PRKCD: variants seen among roughly 807,000 people sequenced by gnomAD.
The protein encoded by PRKCD is protein kinase C delta type.
Under a neutral mutation model 82.2 loss-of-function variants are expected in PRKCD, and 20 were observed. The observed-to-expected ratio is 0.24, with a 90% CI of 0.17 to 0.35. The LOEUF (loss-of-function observed/expected upper bound fraction) is 0.35, where lower values mean the gene tolerates loss of function less well. Ranked by LOEUF, PRKCD falls within the 10% of genes least tolerant of loss-of-function variation. PRKCD has a pLI of 1.00. For missense variants in PRKCD, 607 were observed against 899.0 expected (o/e 0.68, Z 4.15); for synonymous variants, 317 against 337.0 (o/e 0.94, Z 0.65).
At chr3:53,187,538 C>T (rs1703754284) in intron 15 of PRKCD, 136 bp downstream of exon 15, 6 of 983,032 alleles carry the variant, frequency 6.1e-6, no homozygotes, top group Middle Eastern at 3.2e-4. Flanking sequence ...TGGGTATTTG[C>T]CTATGCCTCC....
At chr3:53,168,826 G>A (rs1575524914) in intron 2 of PRKCD, among the ~76,000 whole-genome samples, 1 of 150,224 alleles carries the variant, frequency 6.7e-6, no homozygotes, top group Non-Finnish European at 1.5e-5. Context: ...GGGAGGTAAC[G>A]GTGATGGGGA....
rs41315886 is a variant in PRKCD, at chr3:53,187,494, C to T, written c.1415+92C>T. The T allele has an allele frequency of 0.058, 80,226 of 1,383,926 alleles. 2,977 individuals carry two copies. Among genetic ancestry groups the T allele is most frequent in the African/African-American group, 0.15 (10,476 of 70,018 alleles). 85.7% of individuals were successfully genotyped at this position (1,383,926 alleles called of 1,614,324 possible). A position where few individuals can be genotyped will look rare whatever the true frequency, so the allele number is the denominator to read the frequency against. On this transcript the variant is annotated intron_variant, in intron 15 of 18. Transcript: ENST00000330452. ...TGCTCCAAGCAGGATCCCCCCAACT[C>T]CAGTTCCTTCTCTGCTGGAAATCAA...
chr3:53,188,642 G>A (rs1247886113), intron 15 of PRKCD, 78 bp from the exon 16 acceptor site: 10 of 1,579,252 alleles, frequency 6.3e-6, no homozygotes, highest in Non-Finnish European at 8.7e-6. Context: ...TAATACGGCT[G>A]AAAATTAGGA....
rs200237200 is a variant in PRKCD at position 53,188,884 on chromosome 3, C to A, written c.1554+26C>A. On this transcript the variant is annotated intron_variant, in intron 16 of 18. Transcript: ENST00000330452. ...GTGAGCCGATACCCTTCCAGCCCCC[C>A]GCTCAGTCAGGCACCTTGCCTCCCC... 7.5e-4 allele frequency: 1,203 copies of A among 1,612,654 alleles called. 3 individuals carry two copies. Among genetic ancestry groups the A allele is most frequent in the African/African-American group, 5.2e-3 (391 of 75,044 alleles).
chr3:53,191,383 G>A (rs1187975059), intron 18 of PRKCD, among the ~76,000 whole-genome samples: 2 of 152,174 alleles, frequency 1.3e-5, no homozygotes, highest in East Asian at 3.8e-4. Context: ...ACTCCAGCCT[G>A]GGCAAGAGAG....
In PRKCD at chr3:53,192,379, A is replaced by G; in HGVS notation, c.*113A>G. ...TGCTGCTGGCCCCGCCCCTGCCCCC[A>G]GAGCGTCCTTGGCTGCCGTCTGGCC... On this transcript the variant is annotated 3_prime_UTR_variant, in exon 19 of 19. Coordinates refer to ENST00000330452, the MANE Select transcript of PRKCD (RefSeq NM_006254.4). 7.4e-7 allele frequency: 1 copy of G among 1,344,842 alleles called. No individual in the cohort carries two copies. The allele number at this position is 1,344,842 out of a possible 1,614,324, so 83.3% of individuals were successfully genotyped here.
At chr3:53,185,870 G>A (rs1484638439) in intron 11 of PRKCD, 57 bp from the exon 12 acceptor site, 6 of 1,587,958 alleles carry the variant, frequency 3.8e-6, no homozygotes, top group Non-Finnish European at 5.2e-6. Context: ...AGGCCCCGGG[G>A]GAGGGGAGTT....
Position 53,188,878 on chromosome 3 carries a change from G to T in PRKCD, c.1554+20G>T. ...CCTGAGGTGAGCCGATACCCTTCCA[G>T]CCCCCCGCTCAGTCAGGCACCTTGC... On this transcript the variant is annotated intron_variant, in intron 16 of 18. Transcript: ENST00000330452. 6.2e-7 allele frequency: 1 copy of T among 1,613,228 alleles called. No homozygotes were observed. Among genetic ancestry groups the T allele is most frequent in the Non-Finnish European group, 8.5e-7 (1 of 1,179,520 alleles).
chr3:53,166,035 G>T (rs903139846), intron 2 of PRKCD, among the ~76,000 whole-genome samples: 1 of 152,162 alleles, frequency 6.6e-6, no homozygotes. Flanking sequence ...AACAGTGGGG[G>T]GATAGCAAAG....
Position 53,192,415 on chromosome 3 carries a change from G to T in PRKCD, c.*149G>T. 1.2e-6 allele frequency: 1 copy of T among 835,854 alleles called. No homozygotes were observed. Among genetic ancestry groups the T allele is most frequent in the Non-Finnish European group, 1.9e-6 (1 of 528,350 alleles). 51.8% of individuals were successfully genotyped at this position (835,854 alleles called of 1,614,324 possible). ...GGCTGCCGTCTGGCCGGGCTCTCATGGTACTTCCTCTGTGAACTGTGTGTG... is the reference window on the plus strand; with the variant it reads ...GGCTGCCGTCTGGCCGGGCTCTCATTGTACTTCCTCTGTGAACTGTGTGTG... On this transcript the variant is annotated 3_prime_UTR_variant, in exon 19 of 19. Transcript: ENST00000330452.
chr3:53,188,965 G>A (rs1306213814), intron 16 of PRKCD, 93 bp from the exon 17 acceptor site: 19 of 1,576,008 alleles, frequency 1.2e-5, no homozygotes, highest in Non-Finnish European at 1.4e-5. Context: ...AAAGCCCATA[G>A]GCTGAGGCGG....
At chr3:53,183,682 A>G (rs1703556383) in intron 9 of PRKCD, 101 bp downstream of exon 9, 3 of 1,480,962 alleles carry the variant, frequency 2.0e-6, no homozygotes, top group African/African-American at 2.8e-5. Context: ...TCACCTGGAG[A>G]CGGGCACCTC....
In PRKCD at chr3:53,183,440, C is replaced by T. The variant is rs1438720437; in HGVS notation, c.658-12C>T. Reference sequence around the variant, plus strand: ...GCACGTGACCCTCAGCCTGTGATACCCCCACCTCCAGTTCCAGAAAGAACG... The same window carrying T: ...GCACGTGACCCTCAGCCTGTGATACTCCCACCTCCAGTTCCAGAAAGAACG... On this transcript the variant is annotated splice_polypyrimidine_tract_variant and intron_variant, in intron 8 of 18. Transcript: ENST00000330452. 5.0e-6 allele frequency: 8 copies of T among 1,613,786 alleles called. No homozygotes were observed. Among genetic ancestry groups the T allele is most frequent in the Non-Finnish European group, 6.8e-6 (8 of 1,179,896 alleles).
chr3:53,171,334 G>T (rs1553664887), intron 2 of PRKCD, among the ~76,000 whole-genome samples: 1 of 152,178 alleles, frequency 6.6e-6, no homozygotes, highest in African/African-American at 2.4e-5. Flanking sequence ...ACACAAGCTG[G>T]CAGAGGTGGA....
intron 4 of PRKCD, among the ~76,000 whole-genome samples, chr3:53,180,247 C>T (rs1703387521): frequency 6.6e-6 from 1 of 152,270 alleles, no homozygotes; most frequent in Non-Finnish European, 1.5e-5. Flanking sequence ...GGCCACCAGG[C>T]CTCCTTCCCA....
At chr3:53,189,380 G>A in intron 17 of PRKCD, 134 bp downstream of exon 17, 1 of 958,586 alleles carries the variant, frequency 1.0e-6, no homozygotes, top group Non-Finnish European at 1.5e-6. Context: ...AACATACGGG[G>A]TATTGCTCTC....
At position 53,169,039 on chromosome 3, in the gene PRKCD, G is replaced by C. The variant is rs572903883; in HGVS notation, c.-20+3824G>C. Among the ~76,000 whole-genome samples, 1 of 152,264 alleles carries C rather than the reference G, an allele frequency of 6.6e-6. No homozygotes were observed. The highest frequency in any genetic ancestry group is 2.4e-5 in the African/African-American group (1 of 41,526). On this transcript the variant is annotated intron_variant, in intron 2 of 18. Transcript: ENST00000330452. This position sits in a 1 kb window ranked among gnomAD's most constrained non-coding sequence, Gnocchi z 4.7. Reference sequence around the variant, plus strand: ...TCAGAAGACAGGTGCAGAGCCTGGGGATGGTGGTGGTGGGAGAAGAGGATT... The same window carrying C: ...TCAGAAGACAGGTGCAGAGCCTGGGCATGGTGGTGGTGGGAGAAGAGGATT...
chr3:53,185,091 A>C (rs1472670522), intron 10 of PRKCD, 117 bp downstream of exon 10: 17 of 880,978 alleles, frequency 1.9e-5, no homozygotes, highest in Non-Finnish European at 3.0e-5. Context: ...CCAGGACTCT[A>C]CTTCGGGAAG....
intron 10 of PRKCD, among the ~76,000 whole-genome samples, 177 bp from the exon 11 acceptor site, chr3:53,185,427 C>T (rs1703636635): frequency 1.3e-5 from 2 of 152,248 alleles, no homozygotes; most frequent in African/African-American, 4.8e-5. Flanking sequence ...CAAGGCTTCT[C>T]TGGGCTCCTG....
Sources: gnomAD v4.1 joint callset for allele counts (sites outside exome capture counted in the v4.1 genomes callset) on GRCh38, gnomAD v4.1.1 for gene constraint, Gnocchi (gnomAD v3.1) non-coding constraint, MANE v1.5 for transcripts, NCBI Gene and HGNC (gene_info 2026-07-23, HGNC 2026-07-21) for gene names.